The following FRAS1 variants were observed in gnomAD, a reference collection of about 807,000 sequenced individuals.
The protein encoded by FRAS1 is extracellular matrix organizing protein FRAS1.
In FRAS1, 290 loss-of-function variants were observed where a neutral mutation model predicts 435.2. The observed-to-expected ratio is 0.67, with a 90% CI of 0.61 to 0.73. The LOEUF (loss-of-function observed/expected upper bound fraction) is 0.73. FRAS1 is among the 30% of genes least tolerant of loss of function. FRAS1 has a pLI of 0.00. For missense variants in FRAS1, 4,860 were observed against 5,001.5 expected, an observed-to-expected ratio of 0.97 and a Z score of 0.85; for synonymous variants, 1,800 against 1,851.0, an observed-to-expected ratio of 0.97 and a Z score of 0.71.
intron 15 of FRAS1, among the ~76,000 whole-genome samples, chr4:78,311,322 G>A (rs1729010431): frequency 6.6e-6 from 1 of 151,710 alleles, no homozygotes; most frequent in African/African-American, 2.4e-5. Context: ...TAATTTTCTT[G>A]AGATGTTACA....
chr4:78,200,394 C>T (rs1388908238), intron 2 of FRAS1, among the ~76,000 whole-genome samples: 1 of 152,210 alleles, frequency 6.6e-6, no homozygotes. Flanking sequence ...GATAAGGCCA[C>T]ACCCCTGTCA....
chr4:78,186,032 G>A (rs1330621324), intron 2 of FRAS1, among the ~76,000 whole-genome samples: 1 of 152,126 alleles, frequency 6.6e-6, no homozygotes, highest in Non-Finnish European at 1.5e-5. Context: ...AGTTGTCATG[G>A]GAAAAGTGCT....
Position 78,181,547 on chromosome 4 carries a change from C to T in FRAS1, c.109-55963C>T, listed in dbSNP as rs1315515600. 129 of 1,611,470 alleles carry T rather than the reference C, an allele frequency of 8.0e-5. 1 individual carries two copies. Among genetic ancestry groups the T allele is most frequent in the Middle Eastern group, 6.7e-4 (3 of 4,456 alleles). On this transcript the variant is annotated intron_variant, in intron 2 of 73. Transcript: ENST00000512123. ...ACGGCCCCCTCGACCTCTTCCAAGA[C>T]CACCACGACCTCGAATAGGTCGGTC...
intron 2 of FRAS1, among the ~76,000 whole-genome samples, chr4:78,152,711 T>C (rs372139510): frequency 2.9e-4 from 44 of 151,778 alleles, no homozygotes; most frequent in African/African-American, 1.0e-3. Context: ...GATTCAGTTT[T>C]GGAGAATTCA....
intron 45 of FRAS1, 23 bp downstream of exon 45, chr4:78,450,362 A>C: frequency 6.2e-7 from 1 of 1,605,304 alleles, no homozygotes; most frequent in Non-Finnish European, 8.5e-7. Context: ...TCTTCTGCCT[A>C]CCAGGCTTCC....
intron 18 of FRAS1, among the ~76,000 whole-genome samples, chr4:78,321,400 G>T (rs1475798550): frequency 6.6e-6 from 1 of 152,204 alleles, no homozygotes; most frequent in Non-Finnish European, 1.5e-5. Context: ...TGGCTGAAGA[G>T]TTCAAGGTGG....
In FRAS1 at chr4:78,539,493, GAAAAA is replaced by G. The variant is rs3062747; in HGVS notation, c.11445+65_11445+69del. ...TAAGACCAAGTCTACTTTAAAGCTTGAAAAAAAAAAAAAAAAGAAGGAGGACTGCA... is the reference window on the plus strand; with the variant it reads ...TAAGACCAAGTCTACTTTAAAGCTTGAAAAAAAAAAAGAAGGAGGACTGCA... On this transcript the variant is annotated intron_variant, in intron 73 of 73. Transcript: ENST00000512123. The G allele has an allele frequency of 1.9e-3, 1,903 of 977,034 alleles. 8 individuals are homozygous for G. Among genetic ancestry groups the G allele is most frequent in the Middle Eastern group, 0.01 (29 of 2,880 alleles). 60.5% of individuals were successfully genotyped at this position (977,034 alleles called of 1,614,324 possible).
chr4:78,344,739 A>C (rs1231433641), intron 20 of FRAS1, among the ~76,000 whole-genome samples: 3 of 152,158 alleles, frequency 2.0e-5, no homozygotes, highest in Non-Finnish European at 4.4e-5. Flanking sequence ...AATGCTAAGG[A>C]AGCTGATTTA....
intron 2 of FRAS1, among the ~76,000 whole-genome samples, chr4:78,091,208 A>G (rs1428515519): frequency 6.6e-6 from 1 of 151,820 alleles, no homozygotes; most frequent in African/African-American, 2.4e-5. Flanking sequence ...CTGTCACAAA[A>G]TCTTGGTTAT....
chr4:78,370,793 C>T (rs1342972806), intron 23 of FRAS1, among the ~76,000 whole-genome samples: 3 of 152,094 alleles, frequency 2.0e-5, no homozygotes, highest in African/African-American at 4.8e-5. Flanking sequence ...TTGGAATTCT[C>T]GGGGCTTACA....
chr4:78,421,458 A>G (rs1433065264), intron 33 of FRAS1, among the ~76,000 whole-genome samples: 1 of 152,094 alleles, frequency 6.6e-6, no homozygotes, highest in South Asian at 2.1e-4. Context: ...TCCCTGCCTT[A>G]TATTCTAGCC....
At chr4:78,282,113 C>G (rs1430189073) in intron 11 of FRAS1, among the ~76,000 whole-genome samples, 1 of 152,152 alleles carries the variant, frequency 6.6e-6, no homozygotes, top group Admixed American at 6.5e-5. Context: ...ATCTGCTCTC[C>G]TGTTTTCTCC....
rs377554136 is a variant in FRAS1, at chr4:78,493,228, T to C, written c.8959-3577T>C. On this transcript the variant is annotated intron_variant, in intron 59 of 73. Coordinates refer to ENST00000512123, the MANE Select transcript of FRAS1 (RefSeq NM_025074.7). The stretch of plus-strand genomic sequence containing the variant: ...GTGGGAGTGTAAATTAGTTCAACCA[T>C]TGTGGAAGACAGGATGGTGATTCCT... 1.5e-3 allele frequency among the ~76,000 whole-genome samples: 225 copies of C among 152,318 alleles called. 1 individual carries two copies. The highest frequency in any genetic ancestry group is 5.0e-3 in the African/African-American group (206 of 41,570).
At chr4:78,503,609 T>C (rs1720744873) in intron 61 of FRAS1, among the ~76,000 whole-genome samples, 1 of 152,226 alleles carries the variant, frequency 6.6e-6, no homozygotes, top group African/African-American at 2.4e-5. Flanking sequence ...TCTCATTTCT[T>C]CTTTATTAGT....
intron 20 of FRAS1, among the ~76,000 whole-genome samples, chr4:78,358,273 G>T (rs766599035): frequency 3.8e-4 from 58 of 152,090 alleles, no homozygotes; most frequent in Non-Finnish European, 7.9e-4. Context: ...TGACAACTCC[G>T]ATTTTCACCA....
intron 2 of FRAS1, among the ~76,000 whole-genome samples, chr4:78,159,978 C>T (rs1369830555): frequency 6.6e-6 from 1 of 152,190 alleles, no homozygotes; most frequent in Non-Finnish European, 1.5e-5. Flanking sequence ...AGTGTTTTCC[C>T]TCCATGGGAG....
At chr4:78,340,289 A>G (rs1464650000) in intron 20 of FRAS1, among the ~76,000 whole-genome samples, 1 of 152,192 alleles carries the variant, frequency 6.6e-6, no homozygotes, top group Non-Finnish European at 1.5e-5. Flanking sequence ...AATGGTTTTA[A>G]ATGAGGTAAC....
At chr4:78,327,509 A>C (rs1280051411) in intron 18 of FRAS1, among the ~76,000 whole-genome samples, 1 of 152,204 alleles carries the variant, frequency 6.6e-6, no homozygotes, top group Non-Finnish European at 1.5e-5. Context: ...AAAATTGATA[A>C]GTTTAATTAT....
chr4:78,392,459 G>T (rs775386863), intron 29 of FRAS1, among the ~76,000 whole-genome samples: 1 of 151,860 alleles, frequency 6.6e-6, no homozygotes, highest in Admixed American at 6.6e-5. Context: ...CTTTAATTTT[G>T]GGGGGAAGTT....
Sources: allele counts gnomAD v4.1 joint callset (sites outside exome capture counted in the v4.1 genomes callset), GRCh38; gene constraint gnomAD v4.1.1; transcripts MANE v1.5; gene names NCBI Gene and HGNC (gene_info 2026-07-23, HGNC 2026-07-21).